The following PRR11 variants were observed in gnomAD, a reference collection of about 807,000 sequenced individuals.
PRR11 encodes proline rich 11.
In PRR11, 30 loss-of-function variants were observed where a neutral mutation model predicts 45.6. That is an observed-to-expected ratio of 0.66 (90% CI 0.49 to 0.89). PRR11 has a LOEUF of 0.89. Among genes scored for constraint, PRR11 ranks in the 40% least tolerant of loss-of-function variants. The pLI is 0.00. For missense variants in PRR11, 373 were observed against 424.8 expected (o/e 0.88, Z 1.07); for synonymous variants, 128 against 153.5 (o/e 0.83, Z 1.23).
chr17:59,166,946 G>A lies in PRR11; in HGVS notation c.-5-2802G>A, dbSNP rs1236554814. The stretch of plus-strand genomic sequence containing the variant: ...TGGGAGGCCGAGGCAGGCAGATCAC[G>A]AGGTCAGGAGATCGAGACGATCCTG... On this transcript the variant is annotated intron_variant, in intron 1 of 9. Transcript: ENST00000262293. Among the ~76,000 whole-genome samples, 9 of 152,176 alleles carry A rather than the reference G, an allele frequency of 5.9e-5. No homozygotes were observed. The South Asian group carries it at 6.2e-4, about 11-fold the overall frequency.
intron 2 of PRR11, among the ~76,000 whole-genome samples, chr17:59,182,866 C>A (rs2017276): frequency 2.0e-5 from 3 of 151,978 alleles, no homozygotes; most frequent in African/African-American, 7.3e-5. Context: ...ATGATCTTTC[C>A]CAAAATCTAT....
At position 59,193,514 on chromosome 17, in the gene PRR11, G is replaced by A. The variant is rs1401804792; in HGVS notation, c.425G>A (p.Cys142Tyr). ...ALKTISESSSCPSCGQTCHMS... is the reference protein window; with the variant it reads ...ALKTISESSSYPSCGQTCHMS... ...CAGACCATCTCAGAAAGTTCTTCCT[G>A]TCCAAGCTGTGGTCAAACATGTCAC... Residue 142 changes from cysteine (C) to tyrosine (Y), a missense_variant, in exon 5 of 10, where the codon TGT (cysteine) becomes TAT (tyrosine). Coordinates refer to ENST00000262293, the MANE Select transcript of PRR11 (RefSeq NM_018304.4). 6.2e-7 allele frequency: 1 copy of A among 1,614,016 alleles called. No homozygotes were observed. The highest frequency in any genetic ancestry group is 8.5e-7 in the Non-Finnish European group (1 of 1,180,032).
At chr17:59,172,237 G>A (rs544760549) in intron 2 of PRR11, among the ~76,000 whole-genome samples, 1 of 152,206 alleles carries the variant, frequency 6.6e-6, no homozygotes, top group African/African-American at 2.4e-5. Flanking sequence ...GGACCTCCAG[G>A]TTCCGCCCCA....
intron 1 of PRR11, among the ~76,000 whole-genome samples, chr17:59,167,770 T>C: frequency 6.6e-6 from 1 of 152,196 alleles, no homozygotes; most frequent in South Asian, 2.1e-4. Context: ...GAGTGTCTTT[T>C]AGCATGCAAA....
At chr17:59,167,211 G>A (rs1189223128) in intron 1 of PRR11, among the ~76,000 whole-genome samples, 1 of 152,118 alleles carries the variant, frequency 6.6e-6, no homozygotes, top group Non-Finnish European at 1.5e-5. Context: ...TATTTGTGGG[G>A]TACACAGTGA....
intron 2 of PRR11, among the ~76,000 whole-genome samples, chr17:59,173,627 A>G (rs143692373): frequency 5.1e-4 from 77 of 152,352 alleles, no homozygotes; most frequent in African/African-American, 1.7e-3. Flanking sequence ...ACATCTGAAC[A>G]TCAGAAGGAA....
intron 1 of PRR11, among the ~76,000 whole-genome samples, chr17:59,168,103 G>A (rs377013914): frequency 3.3e-5 from 5 of 151,792 alleles, no homozygotes; most frequent in Admixed American, 2.6e-4. Context: ...TCCTGGGAAA[G>A]ATACTATCCC....
chr17:59,194,785 T>G lies in PRR11; in HGVS notation c.674T>G (p.Met225Arg), dbSNP rs917709783. 7.4e-6 allele frequency: 12 copies of G among 1,613,720 alleles called. No individual in the cohort carries two copies. The highest frequency in any genetic ancestry group is 1.0e-5 in the Non-Finnish European group (12 of 1,179,860). ...GGACCATTAAAAAAAGATGGACCCA[T>G]GCAGATAACAGTTAAAGATCTGCTG... is the stretch of plus-strand genomic sequence containing the variant. Reference protein sequence around the residue: ...QAGPLKKDGPMQITVKDLLTV... With the variant: ...QAGPLKKDGPRQITVKDLLTV... Residue 225 changes from methionine to arginine, a missense_variant, in exon 6 of 10, where the codon ATG becomes AGG. Transcript: ENST00000262293.
At chr17:59,164,625 C>T (rs1452258936) in intron 1 of PRR11, among the ~76,000 whole-genome samples, 1 of 152,050 alleles carries the variant, frequency 6.6e-6, no homozygotes, top group African/African-American at 2.4e-5. Flanking sequence ...TAGAAGTTTC[C>T]AGTGGCATTT....
chr17:59,164,383 G>A (rs982597800), intron 1 of PRR11, among the ~76,000 whole-genome samples: 1 of 151,850 alleles, frequency 6.6e-6, no homozygotes, highest in Non-Finnish European at 1.5e-5. Context: ...CTGAAAGTTT[G>A]GCCTAATATA....
intron 2 of PRR11, among the ~76,000 whole-genome samples, chr17:59,183,892 G>A (rs2046800932): frequency 6.6e-6 from 1 of 152,096 alleles, no homozygotes; most frequent in South Asian, 2.1e-4. Flanking sequence ...GAGGCCAGCA[G>A]TTCAAGACCA....
chr17:59,191,255 G>A (rs979840982), intron 4 of PRR11, among the ~76,000 whole-genome samples: 11 of 127,764 alleles, frequency 8.6e-5, no homozygotes, highest in Non-Finnish European at 1.7e-4. Flanking sequence ...ATTTCACTCT[G>A]TCACCCAGGC....
chr17:59,161,616 G>A (rs925636901), intron 1 of PRR11, among the ~76,000 whole-genome samples: 28 of 152,104 alleles, frequency 1.8e-4, no homozygotes, highest in Non-Finnish European at 8.8e-5. Context: ...GGGCATGGTG[G>A]TACGCCCTTG....
intron 4 of PRR11, among the ~76,000 whole-genome samples, chr17:59,189,879 A>G (rs1050641109): frequency 5.9e-5 from 9 of 151,978 alleles, no homozygotes; most frequent in African/African-American, 1.2e-4. Flanking sequence ...TATAGTCCCA[A>G]TTTCTCAGGG....
At chr17:59,174,943 C>G in intron 2 of PRR11, 1 of 942,584 alleles carries the variant, frequency 1.1e-6, no homozygotes, top group Non-Finnish European at 1.6e-6. Flanking sequence ...CCTCCACCTA[C>G]CCCCACCCCG....
chr17:59,186,703 C>T (rs2046816095), intron 4 of PRR11, among the ~76,000 whole-genome samples: 1 of 152,032 alleles, frequency 6.6e-6, no homozygotes. Flanking sequence ...CTTGTTTGTA[C>T]ATTTTTAAAT....
At chr17:59,196,158 A>G (rs183910191) in intron 7 of PRR11, among the ~76,000 whole-genome samples, 87 of 152,108 alleles carry the variant, frequency 5.7e-4, no homozygotes, top group African/African-American at 2.1e-3. Context: ...AAATTTACAT[A>G]CAATTAACTG....
intron 2 of PRR11, chr17:59,181,540 T>C (rs142952481): frequency 6.7e-6 from 8 of 1,200,644 alleles, no homozygotes; most frequent in Middle Eastern, 2.9e-4. Flanking sequence ...CTCATGGTGC[T>C]CAGGGAGCAC....
At chr17:59,162,544 A>G (rs1241875668) in intron 1 of PRR11, among the ~76,000 whole-genome samples, 2 of 151,854 alleles carry the variant, frequency 1.3e-5, no homozygotes, top group Non-Finnish European at 2.9e-5. Context: ...AGTTTAAACC[A>G]CCCCTCTGTA....
Sources: allele counts gnomAD v4.1 joint callset (sites outside exome capture counted in the v4.1 genomes callset), GRCh38; gene constraint gnomAD v4.1.1; transcripts MANE v1.5; gene names NCBI Gene and HGNC (gene_info 2026-07-23, HGNC 2026-07-21).